The following TRAPPC8 variants were observed in gnomAD, a reference collection of about 807,000 sequenced individuals.
TRAPPC8 encodes trafficking protein particle complex subunit 8.
Under a neutral mutation model 174.3 loss-of-function variants are expected in TRAPPC8, and 54 were observed. The ratio of observed to expected loss-of-function variants is 0.31; its 90% CI spans 0.25 to 0.39. The LOEUF (loss-of-function observed/expected upper bound fraction) is 0.39. TRAPPC8 is among the 10% of genes least tolerant of loss of function. TRAPPC8 has a pLI of 1.00. For missense variants in TRAPPC8, 1,531 were observed against 1,699.1 expected (o/e 0.90, Z 1.74); for synonymous variants, 630 against 579.9 (o/e 1.09, Z -1.24).
intron 4 of TRAPPC8, among the ~76,000 whole-genome samples, chr18:31,915,888 GAAAAAA>G (rs775582621): frequency 1.2e-5 from 1 of 82,880 alleles, no homozygotes; most frequent in Non-Finnish European, 2.3e-5. Flanking sequence ...CTCCATCTCA[GAAAAAA>G]AAAAAAAAAA....
intron 1 of TRAPPC8, among the ~76,000 whole-genome samples, chr18:31,940,740 A>C (rs1463361719): frequency 6.6e-6 from 1 of 151,706 alleles, no homozygotes; most frequent in Non-Finnish European, 1.5e-5. Context: ...CTCGTGATCC[A>C]CCCGCCTCGG....
At chr18:31,860,706 A>G (rs2034280517) in intron 19 of TRAPPC8, among the ~76,000 whole-genome samples, 1 of 152,190 alleles carries the variant, frequency 6.6e-6, no homozygotes, top group African/African-American at 2.4e-5. Context: ...ATGGTCTATT[A>G]GCTGACTTCC....
chr18:31,875,156 TCATACTTTAACTAGAAG>T (rs1460749977), intron 12 of TRAPPC8, among the ~76,000 whole-genome samples: 1 of 152,134 alleles, frequency 6.6e-6, no homozygotes, highest in Non-Finnish European at 1.5e-5. Flanking sequence ...AAAAATGTTC[TCATACTTTAACTAGAAG>T]CATGCTATGT....
At chr18:31,878,935 T>C (rs2035291294) in intron 12 of TRAPPC8, among the ~76,000 whole-genome samples, 1 of 152,128 alleles carries the variant, frequency 6.6e-6, no homozygotes, top group Non-Finnish European at 1.5e-5. Flanking sequence ...TTAACTAGCC[T>C]AAACATATAC....
At chr18:31,877,281 G>T (rs2035202837) in intron 12 of TRAPPC8, among the ~76,000 whole-genome samples, 1 of 152,154 alleles carries the variant, frequency 6.6e-6, no homozygotes, top group Non-Finnish European at 1.5e-5. Flanking sequence ...CTTGGGGAAA[G>T]CACTTTTCAT....
At position 31,942,740 on chromosome 18, in the gene TRAPPC8, G is replaced by A; in HGVS notation, c.25C>T (p.Gln9Ter). Residue 9 changes from glutamine (Q) to a stop codon, truncating the protein, a stop_gained, in exon 1 of 29, where the codon CAG becomes TAG. Coordinates refer to ENST00000283351, the MANE Select transcript of TRAPPC8 (RefSeq NM_014939.5). LOFTEE classifies it high-confidence loss of function. MAQCVQSV[Q>*]ELIPDSFVPC... Reference sequence around the variant, plus strand: ...ACGAAGGAGTCCGGGATTAGCTCCTGCACTGATTGTACACACTGGGCCATC... The same window carrying A: ...ACGAAGGAGTCCGGGATTAGCTCCTACACTGATTGTACACACTGGGCCATC... 6.3e-7 allele frequency: 1 copy of A among 1,589,164 alleles called. No individual in the cohort carries two copies. Among genetic ancestry groups the A allele is most frequent in the Admixed American group, 1.8e-5 (1 of 56,514 alleles).
chr18:31,854,465 T>C (rs1319013392), intron 21 of TRAPPC8, among the ~76,000 whole-genome samples: 1 of 152,172 alleles, frequency 6.6e-6, no homozygotes, highest in African/African-American at 2.4e-5. Flanking sequence ...TCACTCTTAC[T>C]ATAAAAATAT....
intron 11 of TRAPPC8, among the ~76,000 whole-genome samples, chr18:31,895,352 A>G (rs552371266): frequency 6.6e-6 from 1 of 152,212 alleles, no homozygotes; most frequent in East Asian, 1.9e-4. Context: ...TCTCAAAGAA[A>G]TTTATGAAAG....
At chr18:31,835,476 G>A (rs1232065334) in intron 27 of TRAPPC8, among the ~76,000 whole-genome samples, 1 of 152,076 alleles carries the variant, frequency 6.6e-6, no homozygotes, top group Non-Finnish European at 1.5e-5. Flanking sequence ...ATAATCTTCA[G>A]TACTATTCAA....
intron 12 of TRAPPC8, among the ~76,000 whole-genome samples, chr18:31,882,489 A>C (rs960550865): frequency 3.9e-5 from 6 of 152,164 alleles, no homozygotes; most frequent in Non-Finnish European, 8.8e-5. Flanking sequence ...GAGGGTTGAA[A>C]AACAACCTAC....
intron 12 of TRAPPC8, among the ~76,000 whole-genome samples, chr18:31,887,383 C>T (rs866379447): frequency 1.2e-4 from 19 of 152,164 alleles, no homozygotes; most frequent in African/African-American, 4.3e-4. Context: ...TGGTGACTCA[C>T]GCCTGTAATC....
chr18:31,927,904 C>G (rs1407600713), intron 2 of TRAPPC8, among the ~76,000 whole-genome samples: 1 of 152,108 alleles, frequency 6.6e-6, no homozygotes, highest in Admixed American at 6.6e-5. Context: ...CTTGTAATCC[C>G]AGCACTCTGG....
intron 9 of TRAPPC8, among the ~76,000 whole-genome samples, chr18:31,907,070 A>T (rs1026057983): frequency 6.6e-6 from 1 of 152,224 alleles, no homozygotes; most frequent in East Asian, 1.9e-4. Flanking sequence ...GTTGGAAAGT[A>T]CTAATAAAGA....
At chr18:31,854,017 A>AT in intron 21 of TRAPPC8, 72 bp from the exon 22 acceptor site, 2 of 1,139,616 alleles carry the variant, frequency 1.8e-6, no homozygotes, top group Non-Finnish European at 2.5e-6. Flanking sequence ...TGAGAATAAA[A>AT]TTCAGACACT....
At chr18:31,873,356 T>C (rs1266871004) in intron 14 of TRAPPC8, 74 bp downstream of exon 14, 2 of 1,268,118 alleles carry the variant, frequency 1.6e-6, no homozygotes, top group Non-Finnish European at 2.2e-6. Context: ...TACATCGTTT[T>C]TTAAATGGAG....
At chr18:31,924,748 A>G (rs2062414036) in intron 2 of TRAPPC8, among the ~76,000 whole-genome samples, 1 of 150,994 alleles carries the variant, frequency 6.6e-6, no homozygotes, top group Non-Finnish European at 1.5e-5. Context: ...CAAAAAAAAA[A>G]AAAAAAAAAA....
rs753768711 is a variant in TRAPPC8 at position 31,908,304 on chromosome 18, G to A, written c.1237C>T (p.Leu413=). The change falls in exon 8 of 29, where the codon CTG becomes TTG. Residue 413 remains leucine (L), a splice_region_variant and synonymous_variant. Coordinates refer to ENST00000283351, the MANE Select transcript of TRAPPC8 (RefSeq NM_014939.5). ...INDLKNTSGL[L]YPPEAPELQI... ...CAAAAATGATAACACTTTACTCACA[G>A]CAAGCCAGATGTATTTTTCAGGTCA... The A allele has an allele frequency of 6.3e-7, 1 of 1,592,962 alleles. No homozygotes were observed. The highest frequency in any genetic ancestry group is 8.5e-7 in the Non-Finnish European group (1 of 1,170,072).
At position 31,939,194 on chromosome 18, in the gene TRAPPC8, C is replaced by A. The variant is rs148853370; in HGVS notation, c.157+3414G>T. On this transcript the variant is annotated intron_variant, in intron 1 of 28. Coordinates refer to ENST00000283351, the MANE Select transcript of TRAPPC8 (RefSeq NM_014939.5). ...AAAATGTATTTATACCAGCAAAAAA[C>A]TAAAACCAAGAAAAATTAAGTCCTC... 2.4e-3 allele frequency among the ~76,000 whole-genome samples: 350 copies of A among 148,354 alleles called. 3 individuals are homozygous for A. The highest frequency in any genetic ancestry group is 8.3e-3 in the African/African-American group (337 of 40,702).
At chr18:31,891,196 A>G (rs2035939640) in intron 11 of TRAPPC8, 1 of 159,182 alleles carries the variant, frequency 6.3e-6, no homozygotes, top group African/African-American at 2.4e-5. Flanking sequence ...CAAATTTAAT[A>G]CAGGTATACC....
Sources: allele counts gnomAD v4.1 joint callset (sites outside exome capture counted in the v4.1 genomes callset), GRCh38; gene constraint gnomAD v4.1.1; transcripts MANE v1.5; gene names NCBI Gene and HGNC (gene_info 2026-07-23, HGNC 2026-07-21).